The following RAB10 variants were observed in gnomAD, a reference collection of about 807,000 sequenced individuals.
RAB10 encodes RAB10, member RAS oncogene family.
In RAB10, 5 loss-of-function variants were observed where a neutral mutation model predicts 25.7. The ratio of observed to expected loss-of-function variants is 0.19; its 90% confidence interval spans 0.10 to 0.41. The LOEUF is 0.41. Ranked by LOEUF, RAB10 falls within the 10% of genes least tolerant of loss-of-function variation. The pLI is 1.00. For synonymous variants in RAB10, 89 were observed against 86.4 expected (o/e 1.03, Z -0.16); for missense variants, 103 against 245.8 (o/e 0.42, Z 3.89).
chr2:26,101,280 C>T (rs1335110777), intron 2 of RAB10: 2 of 152,126 alleles, frequency 1.3e-5, no homozygotes, highest in Non-Finnish European at 2.9e-5. Context: ...TTTTCAGAGT[C>T]CTAGTTAATT....
chr2:26,118,308 C>T (rs1024802470), intron 3 of RAB10, among the ~76,000 whole-genome samples: 3 of 150,658 alleles, frequency 2.0e-5, no homozygotes, highest in Admixed American at 2.0e-4. Flanking sequence ...TACAAAGTAA[C>T]GTCCCCTCCT....
chr2:26,060,065 A>C (rs748353421), intron 1 of RAB10, among the ~76,000 whole-genome samples: 2 of 152,208 alleles, frequency 1.3e-5, no homozygotes, highest in Non-Finnish European at 2.9e-5. Context: ...CAGATTACTT[A>C]TAATGCCAGT....
At chr2:26,090,071 G>C (rs1667071025) in intron 1 of RAB10, among the ~76,000 whole-genome samples, 1 of 152,070 alleles carries the variant, frequency 6.6e-6, no homozygotes, top group Non-Finnish European at 1.5e-5. Context: ...GTTCTGAACT[G>C]GTTGCTCTCT....
At chr2:26,078,619 G>T (rs1472754449) in intron 1 of RAB10, among the ~76,000 whole-genome samples, 1 of 152,036 alleles carries the variant, frequency 6.6e-6, no homozygotes, top group Non-Finnish European at 1.5e-5. Flanking sequence ...AGAGGGGAGG[G>T]GTTGCGGAAA....
chr2:26,034,427 T>G lies in RAB10; in HGVS notation c.-182T>G. On this transcript the variant is annotated 5_prime_UTR_variant, in exon 1 of 6. Coordinates refer to ENST00000264710, the MANE Select transcript of RAB10 (RefSeq NM_016131.5). ...CCGCGGTCGCCGCCCTCGGAGGCAC[T>G]GGACGCCGCCACTGTCGGGGCTTCC... 2.6e-6 allele frequency: 2 copies of G among 777,198 alleles called. No homozygotes were observed. Among genetic ancestry groups the G allele is most frequent in the Non-Finnish European group, 4.0e-6 (2 of 499,484 alleles). 48.1% of individuals were successfully genotyped at this position (777,198 alleles called of 1,614,324 possible). A position where few individuals can be genotyped will look rare whatever the true frequency, so the allele number is the denominator to read the frequency against.
chr2:26,094,417 A>T (rs1667168932), intron 1 of RAB10, among the ~76,000 whole-genome samples: 1 of 150,482 alleles, frequency 6.6e-6, no homozygotes, highest in African/African-American at 2.5e-5. Context: ...ACACCCGGCT[A>T]ATTTTTATAT....
At chr2:26,083,768 G>A (rs891063951) in intron 1 of RAB10, among the ~76,000 whole-genome samples, 1 of 152,000 alleles carries the variant, frequency 6.6e-6, no homozygotes, top group Non-Finnish European at 1.5e-5. Context: ...ATCTGCCCAC[G>A]CCGGCCCCAC....
intron 1 of RAB10, among the ~76,000 whole-genome samples, chr2:26,094,834 C>T (rs56776923): frequency 0.015 from 2,273 of 152,276 alleles, 39 homozygotes; most frequent in African/African-American, 0.039. Flanking sequence ...GCTGGGATAA[C>T]GGGCGTGAGC....
intron 3 of RAB10, among the ~76,000 whole-genome samples, chr2:26,124,150 C>T (rs1667857648): frequency 1.3e-5 from 2 of 151,872 alleles, no homozygotes; most frequent in Non-Finnish European, 1.5e-5. Flanking sequence ...ATATGTTAAT[C>T]GACTGTTACT....
intron 1 of RAB10, among the ~76,000 whole-genome samples, chr2:26,066,936 C>G (rs919786031): frequency 4.6e-5 from 7 of 152,052 alleles, no homozygotes; most frequent in Admixed American, 6.6e-5. Context: ...GCACATGCCA[C>G]CACGCCAGGC....
chr2:26,064,494 T>TG (rs1666473136), intron 1 of RAB10, among the ~76,000 whole-genome samples: 1 of 151,598 alleles, frequency 6.6e-6, no homozygotes, highest in Non-Finnish European at 1.5e-5. Context: ...GCTAATTTTT[T>TG]GGGAAAAAAA....
Position 26,034,620 on chromosome 2 carries a change from G to A in RAB10, c.12G>A (p.Lys4=). 1 of 1,613,742 alleles carries A rather than the reference G, an allele frequency of 6.2e-7. No homozygotes were observed. The highest frequency in any genetic ancestry group is 8.5e-7 in the Non-Finnish European group (1 of 1,180,050). The part of the protein sequence containing the change: MAK[K]TYDLLFKLLL... The stretch of plus-strand genomic sequence containing the variant: ...AGCCGCTCCTCCCAATGGCGAAGAA[G>A]ACGTACGACCTGCTTTTCAAGCTGC... The change falls in exon 1 of 6, where the codon AAG becomes AAA. Residue 4 remains lysine, a synonymous_variant. Transcript: ENST00000264710.
chr2:26,115,930 G>A (rs1286083187), intron 3 of RAB10, among the ~76,000 whole-genome samples: 1 of 150,458 alleles, frequency 6.6e-6, no homozygotes, highest in African/African-American at 2.4e-5. Context: ...CGCCATCTTG[G>A]CTCACTGCAG....
intron 2 of RAB10, chr2:26,101,863 A>T (rs971254383): frequency 6.6e-6 from 1 of 152,260 alleles, no homozygotes; most frequent in Non-Finnish European, 1.5e-5. Context: ...ATAATCTTCA[A>T]AACCTCATCT....
intron 1 of RAB10, among the ~76,000 whole-genome samples, chr2:26,060,848 C>G (rs1666378128): frequency 6.6e-6 from 1 of 151,916 alleles, no homozygotes; most frequent in Non-Finnish European, 1.5e-5. Context: ...AATAAAAAAT[C>G]TGCTGGCCCG....
chr2:26,051,313 C>T (rs768398647), intron 1 of RAB10, among the ~76,000 whole-genome samples: 115 of 98,038 alleles, frequency 1.2e-3, no homozygotes, highest in Middle Eastern at 9.4e-3. Flanking sequence ...TTGATGTTTT[C>T]TTCTATTTCT....
chr2:26,108,877 TTATATTTA>T (rs747362634), intron 2 of RAB10, among the ~76,000 whole-genome samples: 2,924 of 127,034 alleles, frequency 0.023, 66 homozygotes, highest in African/African-American at 0.069. Context: ...GTCTTTTGCT[TTATATTTA>T]TTTATTTATT....
At chr2:26,126,048 A>T (rs1667897748) in intron 3 of RAB10, among the ~76,000 whole-genome samples, 2 of 152,218 alleles carry the variant, frequency 1.3e-5, no homozygotes, top group Admixed American at 6.5e-5. Flanking sequence ...GTTTAAAATA[A>T]GGATCCAGCT....
At chr2:26,069,557 T>C (rs1399979754) in intron 1 of RAB10, among the ~76,000 whole-genome samples, 1 of 151,596 alleles carries the variant, frequency 6.6e-6, no homozygotes. Flanking sequence ...TCCCAGCAAC[T>C]TGGGAGGCTG....
Sources: allele counts gnomAD v4.1 joint callset (sites outside exome capture counted in the v4.1 genomes callset), GRCh38; gene constraint gnomAD v4.1.1; transcripts MANE v1.5; gene names NCBI Gene and HGNC (gene_info 2026-07-23, HGNC 2026-07-21).